The following TMEM132D variants were observed in gnomAD, a reference collection of about 807,000 sequenced individuals.
TMEM132D encodes mature OL transmembrane protein.
A neutral mutation model predicts 62.3 loss-of-function variants in TMEM132D; 21 were observed. The ratio of observed to expected loss-of-function variants is 0.34; its 90% CI spans 0.24 to 0.49. The LOEUF is 0.49. Among genes scored for constraint, TMEM132D ranks in the 20% least tolerant of loss-of-function variants. The pLI, the probability that TMEM132D is intolerant of heterozygous loss-of-function variation, is 0.99. For synonymous variants in TMEM132D, 621 were observed against 575.6 expected, an observed-to-expected ratio of 1.08 and a Z score of -1.13; for missense variants, 1,346 against 1,402.8, an observed-to-expected ratio of 0.96 and a Z score of 0.65.
At position 129,419,569 on chromosome 12, in the gene TMEM132D, A is replaced by C. The variant is rs567727427; in HGVS notation, c.1116-81752T>G. On this transcript the variant is annotated intron_variant, in intron 3 of 8. Transcript: ENST00000422113. The stretch of plus-strand genomic sequence containing the variant: ...GATAACATCCTTTAAAATATTCATT[A>C]AAGTTTTGCTGGAAACCAGAAATAC... Among the ~76,000 whole-genome samples the C allele has an allele frequency of 4.6e-4, 70 of 152,314 alleles. No homozygotes were observed. The South Asian group carries it at 0.013, about 28-fold the overall frequency.
intron 5 of TMEM132D, among the ~76,000 whole-genome samples, chr12:129,154,726 T>C (rs924918715): frequency 6.6e-6 from 1 of 152,212 alleles, no homozygotes; most frequent in Non-Finnish European, 1.5e-5. Context: ...TTTCTTATTA[T>C]ATCTTTTTTA....
intron 4 of TMEM132D, among the ~76,000 whole-genome samples, chr12:129,318,671 G>A (rs1347373333): frequency 2.6e-5 from 4 of 152,156 alleles, no homozygotes; most frequent in Admixed American, 2.0e-4. Context: ...CGGGACCCTA[G>A]ATCTCCCAAG....
intron 3 of TMEM132D, among the ~76,000 whole-genome samples, chr12:129,514,885 G>A (rs942486415): frequency 3.3e-5 from 5 of 152,158 alleles, no homozygotes; most frequent in Non-Finnish European, 5.9e-5. Context: ...AGAGTCCAGC[G>A]TAAGACAATA....
chr12:129,131,519 A>T (rs2135525277), intron 5 of TMEM132D, among the ~76,000 whole-genome samples: 1 of 152,340 alleles, frequency 6.6e-6, no homozygotes, highest in African/African-American at 2.4e-5. Flanking sequence ...AGGCAGGAGA[A>T]TCGCTTGAAC....
chr12:129,676,597 A>C (rs899889702), intron 2 of TMEM132D, among the ~76,000 whole-genome samples: 2 of 152,158 alleles, frequency 1.3e-5, no homozygotes, highest in Non-Finnish European at 2.9e-5. Context: ...TCTTTTAAAC[A>C]ATCAGCTCTT....
intron 5 of TMEM132D, 126 bp downstream of exon 5, chr12:129,209,394 A>C: frequency 1.7e-6 from 2 of 1,187,004 alleles, no homozygotes; most frequent in Non-Finnish European, 2.4e-6. Flanking sequence ...GGATAACCAG[A>C]ATGGGATGGG....
intron 3 of TMEM132D, among the ~76,000 whole-genome samples, chr12:129,530,227 T>C (rs1255270183): frequency 6.6e-6 from 1 of 152,120 alleles, no homozygotes; most frequent in Non-Finnish European, 1.5e-5. Context: ...GAATAAATAA[T>C]AAAAAATAAG....
At chr12:129,522,979 A>C (rs1345909768) in intron 3 of TMEM132D, among the ~76,000 whole-genome samples, 3 of 152,026 alleles carry the variant, frequency 2.0e-5, no homozygotes, top group Non-Finnish European at 2.9e-5. Flanking sequence ...GATTAGATAT[A>C]GAAAAATAGA....
chr12:129,360,177 C>G (rs1048958845), intron 3 of TMEM132D, among the ~76,000 whole-genome samples: 2 of 152,036 alleles, frequency 1.3e-5, no homozygotes, highest in Non-Finnish European at 2.9e-5. Context: ...ACAGGAAACC[C>G]CGGTGATGAT....
chr12:129,589,890 C>A (rs1878142769), intron 2 of TMEM132D, among the ~76,000 whole-genome samples: 3 of 152,222 alleles, frequency 2.0e-5, no homozygotes, highest in Admixed American at 2.0e-4. Context: ...GTTCCCTGGA[C>A]TTTTATAGTA....
intron 3 of TMEM132D, among the ~76,000 whole-genome samples, chr12:129,356,926 A>AGAGGG (rs1555250245): frequency 1.1e-4 from 10 of 89,860 alleles, no homozygotes; most frequent in South Asian, 4.3e-4. Context: ...AAAGGAGAGG[A>AGAGGG]GAGGAGAGGG....
chr12:129,341,466 A>C (rs1421685269), intron 3 of TMEM132D, among the ~76,000 whole-genome samples: 1 of 152,044 alleles, frequency 6.6e-6, no homozygotes, highest in African/African-American at 2.4e-5. Context: ...ATTGTTCCTG[A>C]GTGGAGCCAG....
At chr12:129,230,624 GA>G (rs1254917668) in intron 4 of TMEM132D, among the ~76,000 whole-genome samples, 2 of 152,202 alleles carry the variant, frequency 1.3e-5, no homozygotes, top group Non-Finnish European at 1.5e-5. Flanking sequence ...CCTAGAAGAT[GA>G]TCTCATCCAG....
In TMEM132D at chr12:129,636,700, G is replaced by A. The variant is rs980293631; in HGVS notation, c.968+63110C>T. On this transcript the variant is annotated intron_variant, in intron 2 of 8. Coordinates refer to ENST00000422113, the MANE Select transcript of TMEM132D (RefSeq NM_133448.3). ...TGACCAAGTAAATTCATACAGAAATGTGTGTGTGTGTGTGTGTGTGTGTGT... is the reference window on the plus strand; with the variant it reads ...TGACCAAGTAAATTCATACAGAAATATGTGTGTGTGTGTGTGTGTGTGTGT... 3.6e-4 allele frequency among the ~76,000 whole-genome samples: 23 copies of A among 63,586 alleles called. 1 individual carries two copies. The East Asian group carries it at 9.8e-3, about 27-fold the overall frequency. The allele number at this position is 63,586 out of a possible 152,430, so 41.7% of individuals were successfully genotyped here.
intron 4 of TMEM132D, among the ~76,000 whole-genome samples, chr12:129,274,125 G>T (rs1435710051): frequency 2.6e-5 from 4 of 151,804 alleles, no homozygotes; most frequent in African/African-American, 7.3e-5. Context: ...ATATGGAGCT[G>T]AGATGATGCC....
chr12:129,886,929 A>G (rs1818475), intron 1 of TMEM132D, among the ~76,000 whole-genome samples: 150,262 of 152,222 alleles, frequency 0.99, 74,198 homozygotes, highest in East Asian at 1. Flanking sequence ...GAACATGTTT[A>G]CTTCTCCTTC....
chr12:129,131,767 G>A (rs994684237), intron 5 of TMEM132D, among the ~76,000 whole-genome samples: 3 of 152,080 alleles, frequency 2.0e-5, no homozygotes, highest in East Asian at 1.9e-4. Flanking sequence ...CATCACACTC[G>A]ACTTTTCTGA....
chr12:129,186,477 C>G (rs996542798), intron 5 of TMEM132D, among the ~76,000 whole-genome samples: 2 of 152,188 alleles, frequency 1.3e-5, no homozygotes, highest in Admixed American at 1.3e-4. Flanking sequence ...CCCACTTGAC[C>G]CTCTATACCA....
chr12:129,767,232 C>T (rs1593153952), intron 1 of TMEM132D, among the ~76,000 whole-genome samples: 1 of 152,164 alleles, frequency 6.6e-6, no homozygotes, highest in Admixed American at 6.5e-5. Context: ...TTTCTTTGGG[C>T]CTTCACTCTC....
Sources: gnomAD v4.1 joint callset for allele counts (sites outside exome capture counted in the v4.1 genomes callset) on GRCh38, gnomAD v4.1.1 for gene constraint, MANE v1.5 for transcripts, NCBI Gene and HGNC (gene_info 2026-07-23, HGNC 2026-07-21) for gene names.